NEMF: variants seen among roughly 807,000 people sequenced by gnomAD.
NEMF encodes the protein ribosome quality control complex subunit NEMF.
A neutral mutation model predicts 162.2 loss-of-function variants in NEMF; 89 were observed. The observed-to-expected ratio is 0.55, with a 90% confidence interval of 0.46 to 0.65. The LOEUF (loss-of-function observed/expected upper bound fraction) is 0.65. Among genes scored for constraint, NEMF ranks in the 30% least tolerant of loss-of-function variants. NEMF has a pLI of 0.00. For synonymous variants in NEMF, 421 were observed against 404.5 expected, an observed-to-expected ratio of 1.04 and a Z score of -0.49; for missense variants, 1,133 against 1,261.9, an observed-to-expected ratio of 0.90 and a Z score of 1.55.
chr14:49,800,742 G>A, intron 22 of NEMF, 46 bp from the exon 23 acceptor site: 1 of 1,533,564 alleles, frequency 6.5e-7, no homozygotes, highest in Non-Finnish European at 8.8e-7. Context: ...TACCAACCAA[G>A]CCAGGTGATT....
chr14:49,828,886 A>G, intron 13 of NEMF, 79 bp from the exon 14 acceptor site: 1 of 1,328,856 alleles, frequency 7.5e-7, no homozygotes, highest in Non-Finnish European at 1.0e-6. Context: ...CAATAAAATT[A>G]TAAATGGTTT....
At chr14:49,851,392 G>A (rs1893767913) in intron 3 of NEMF, among the ~76,000 whole-genome samples, 171 bp downstream of exon 3, 1 of 152,088 alleles carries the variant, frequency 6.6e-6, no homozygotes, top group South Asian at 2.1e-4. Context: ...AAGGTAATGG[G>A]GAGAAATCAA....
chr14:49,832,086 G>T lies in NEMF; in HGVS notation c.847C>A (p.Gln283Lys), dbSNP rs752049814. Residue 283 changes from glutamine (Q) to lysine (K), a missense_variant, in exon 10 of 33, where the codon CAA (glutamine) becomes AAA (lysine). Physicochemically the swap from Gln to Lys is moderately conservative, Grantham distance 53. Coordinates refer to ENST00000298310, the MANE Select transcript of NEMF (RefSeq NM_004713.6). ...GATTCAAATTCTATATATGGACATT[G>T]TGAATGTTGAGAAAACAAGAAAGGA... is the stretch of plus-strand genomic sequence containing the variant. The part of the protein sequence containing the change: ...FHPFLFSQHS[Q>K]CPYIEFESFD... 6.2e-7 allele frequency: 1 copy of T among 1,607,786 alleles called. No homozygotes were observed. The highest frequency in any genetic ancestry group is 1.7e-5 in the Admixed American group (1 of 58,398).
chr14:49,795,584 T>C (rs1890655424), intron 26 of NEMF, among the ~76,000 whole-genome samples: 1 of 152,246 alleles, frequency 6.6e-6, no homozygotes, highest in African/African-American at 2.4e-5. Flanking sequence ...TGAGAGCTTC[T>C]GTGCAGATGA....
At chr14:49,834,227 A>G in intron 7 of NEMF, 136 bp downstream of exon 7, 1 of 631,804 alleles carries the variant, frequency 1.6e-6, no homozygotes. Context: ...AAGTGCTGGG[A>G]TTGCAGGCAT....
chr14:49,831,154 A>T, intron 11 of NEMF, 145 bp downstream of exon 11: 1 of 557,100 alleles, frequency 1.8e-6, no homozygotes, highest in Non-Finnish European at 3.2e-6. Flanking sequence ...TTCTTCATAA[A>T]CCTTTATCAT....
intron 25 of NEMF, among the ~76,000 whole-genome samples, chr14:49,798,851 G>A (rs1890814105): frequency 6.6e-6 from 1 of 151,924 alleles, no homozygotes. Flanking sequence ...GGCTTGCAGT[G>A]AGCCGAGATC....
chr14:49,788,559 T>TTTTTTTTCCCAATTTTCTCTCTCTC, intron 28 of NEMF, among the ~76,000 whole-genome samples: 1 of 6,100 alleles, frequency 1.6e-4, no homozygotes, highest in South Asian at 0.016. Context: ...TCTCTCTCTC[T>TTTTTTTTCCCAATTTTCTCTCTCTC]TTTTTTTTTT....
chr14:49,810,184 C>T (rs187446844), intron 18 of NEMF, among the ~76,000 whole-genome samples: 7 of 151,788 alleles, frequency 4.6e-5, no homozygotes, highest in East Asian at 1.9e-4. Flanking sequence ...CTGGCTAACA[C>T]GGTGAAAACT....
At chr14:49,845,300 G>C (rs1484496584) in intron 4 of NEMF, among the ~76,000 whole-genome samples, 1 of 151,948 alleles carries the variant, frequency 6.6e-6, no homozygotes, top group Non-Finnish European at 1.5e-5. Flanking sequence ...TGCCATGTTG[G>C]CCAGGCTGGT....
intron 6 of NEMF, among the ~76,000 whole-genome samples, chr14:49,835,200 C>A (rs1303411900): frequency 7.6e-6 from 1 of 132,324 alleles, no homozygotes; most frequent in Non-Finnish European, 1.6e-5. Flanking sequence ...AACTCCGTCC[C>A]CCGCCCCACC....
intron 25 of NEMF, among the ~76,000 whole-genome samples, chr14:49,799,194 C>T (rs1008378936): frequency 1.0e-4 from 10 of 99,520 alleles, no homozygotes; most frequent in Non-Finnish European, 1.9e-4. Flanking sequence ...GGCAACAAAG[C>T]GAGACCCTGT....
chr14:49,796,354 T>C (rs1890690900), intron 25 of NEMF: 2 of 453,104 alleles, frequency 4.4e-6, no homozygotes, highest in East Asian at 1.4e-4. Context: ...ATACACAGGT[T>C]AAGAAGGAAG....
chr14:49,835,583 T>C (rs950526901), intron 6 of NEMF, among the ~76,000 whole-genome samples: 1 of 152,184 alleles, frequency 6.6e-6, no homozygotes, highest in South Asian at 2.1e-4. Flanking sequence ...GGACTGAATA[T>C]TATCCCCCTA....
chr14:49,803,362 G>T, intron 19 of NEMF, 68 bp from the exon 20 acceptor site: 1 of 1,140,736 alleles, frequency 8.8e-7, no homozygotes, highest in Non-Finnish European at 1.3e-6. Flanking sequence ...TTCCACTTGA[G>T]GAGAAAGTAA....
intron 22 of NEMF, among the ~76,000 whole-genome samples, chr14:49,802,240 G>C (rs1425074841): frequency 1.3e-5 from 2 of 151,370 alleles, no homozygotes; most frequent in African/African-American, 4.9e-5. Flanking sequence ...GAGCCACAAT[G>C]CCCGGACTGA....
chr14:49,829,293 A>G (rs917211524), intron 12 of NEMF, 31 bp from the exon 13 acceptor site: 52 of 1,612,824 alleles, frequency 3.2e-5, no homozygotes, highest in Non-Finnish European at 4.2e-5. Context: ...CATTTACTAC[A>G]TTGCCAGTTA....
At chr14:49,851,979 G>A in intron 1 of NEMF, 104 bp from the exon 2 acceptor site, 1 of 688,764 alleles carries the variant, frequency 1.5e-6, no homozygotes, top group Admixed American at 3.2e-5. Flanking sequence ...CAGTCTCTAA[G>A]GATATGGAGT....
At chr14:49,819,718 C>G (rs1891900672) in intron 16 of NEMF, among the ~76,000 whole-genome samples, 1 of 151,772 alleles carries the variant, frequency 6.6e-6, no homozygotes, top group African/African-American at 2.4e-5. Context: ...CCTAGCCTAT[C>G]CCTGTCTTTA....
Sources: gnomAD v4.1 joint callset for allele counts (sites outside exome capture counted in the v4.1 genomes callset) on GRCh38, gnomAD v4.1.1 for gene constraint, MANE v1.5 for transcripts, NCBI Gene and HGNC (gene_info 2026-07-23, HGNC 2026-07-21) for gene names.